CFAP263: variants seen among roughly 807,000 people sequenced by gnomAD.
The protein encoded by CFAP263 is cilia and flagella associated protein 263.
the CFAP263 span, among the ~76,000 whole-genome samples, chr16:58,265,209 A>C: frequency 6.6e-6 from 1 of 152,226 alleles, no homozygotes; most frequent in Non-Finnish European, 1.5e-5. Flanking sequence ...AGGACTGTGA[A>C]TATGATGGAT....
the CFAP263 span, among the ~76,000 whole-genome samples, chr16:58,259,439 T>C: frequency 6.6e-6 from 1 of 152,182 alleles, no homozygotes; most frequent in Non-Finnish European, 1.5e-5. Context: ...GTAACCTTCA[T>C]TTCCAGAGAT....
At chr16:58,265,321 G>A in the CFAP263 span, among the ~76,000 whole-genome samples, 3 of 152,218 alleles carry the variant, frequency 2.0e-5, no homozygotes, top group Non-Finnish European at 4.4e-5. Flanking sequence ...AATCACACGA[G>A]TCCTTTGAAA....
At chr16:58,261,294 C>T in the CFAP263 span, among the ~76,000 whole-genome samples, 85,795 of 151,900 alleles carry the variant, frequency 0.56, 24,639 homozygotes, top group African/African-American at 0.64. Context: ...TTGAGTTCAG[C>T]GCAAGAAAAA....
the CFAP263 span, chr16:58,259,813 G>T: frequency 7.7e-7 from 1 of 1,292,938 alleles, no homozygotes; most frequent in Non-Finnish European, 1.1e-6. Flanking sequence ...AAAAAGGAGA[G>T]AAATGGATTA....
the CFAP263 span, among the ~76,000 whole-genome samples, chr16:58,254,797 G>A: frequency 2.6e-5 from 4 of 151,848 alleles, no homozygotes; most frequent in Non-Finnish European, 4.4e-5. Flanking sequence ...TAGTAGACAC[G>A]AGGTTTTCAC....
chr16:58,264,477 G>T, the CFAP263 span, among the ~76,000 whole-genome samples: 2 of 152,174 alleles, frequency 1.3e-5, no homozygotes, highest in Admixed American at 6.5e-5. Flanking sequence ...AGCCATTCCT[G>T]GGGGAAATGG....
At chr16:58,278,462 A>C in the CFAP263 span, 1 of 1,612,556 alleles carries the variant, frequency 6.2e-7, no homozygotes, top group Non-Finnish European at 8.5e-7. Context: ...CCTGGGTGTA[A>C]CTGGTCCTTC....
the CFAP263 span, among the ~76,000 whole-genome samples, chr16:58,266,395 ATATATATATATTTTTTTTTTT>A: frequency 0.012 from 444 of 36,410 alleles, 1 homozygote; most frequent in South Asian, 0.019. Flanking sequence ...ATATATATAT[ATATATATATATTTTTTTTTTT>A]TTTTTTTTTT....
chr16:58,280,478 A>G, the CFAP263 span: 5 of 1,614,078 alleles, frequency 3.1e-6, no homozygotes, highest in Non-Finnish European at 4.2e-6. Flanking sequence ...CCCTGCAAGT[A>G]TGATCCAACA....
chr16:58,254,142 G>C, the CFAP263 span: 2 of 1,614,200 alleles, frequency 1.2e-6, no homozygotes, highest in Non-Finnish European at 1.7e-6. Context: ...TGCGGAACGC[G>C]ACCTGCAGCA....
At chr16:58,265,454 C>T in the CFAP263 span, among the ~76,000 whole-genome samples, 1 of 152,168 alleles carries the variant, frequency 6.6e-6, no homozygotes, top group Non-Finnish European at 1.5e-5. Context: ...TCAAGAGGGG[C>T]CTCTGGGAGC....
At chr16:58,268,640 C>T in the CFAP263 span, among the ~76,000 whole-genome samples, 1 of 152,236 alleles carries the variant, frequency 6.6e-6, no homozygotes, top group African/African-American at 2.4e-5. Context: ...ACATGCACAT[C>T]ATTTTCTCGA....
At chr16:58,252,113 A>G in the CFAP263 span, among the ~76,000 whole-genome samples, 1 of 152,214 alleles carries the variant, frequency 6.6e-6, no homozygotes, top group South Asian at 2.1e-4. Context: ...TATTGCCTAT[A>G]ATCTCAGCAC....
At chr16:58,265,741 C>T in the CFAP263 span, among the ~76,000 whole-genome samples, 9 of 152,166 alleles carry the variant, frequency 5.9e-5, no homozygotes, top group African/African-American at 1.2e-4. Context: ...TGTTATGTAG[C>T]GATAGGAAGT....
the CFAP263 span, among the ~76,000 whole-genome samples, chr16:58,260,338 G>C: frequency 6.6e-6 from 1 of 152,198 alleles, no homozygotes; most frequent in Non-Finnish European, 1.5e-5. Flanking sequence ...ATGCAGCCCT[G>C]CTGAGATCCT....
chr16:58,278,028 T>G, the CFAP263 span, among the ~76,000 whole-genome samples: 2 of 152,204 alleles, frequency 1.3e-5, no homozygotes, highest in Non-Finnish European at 1.5e-5. Flanking sequence ...AGAATGTGAA[T>G]GTACTTAATG....
the CFAP263 span, among the ~76,000 whole-genome samples, chr16:58,269,386 G>A: frequency 2.1e-3 from 110 of 52,678 alleles, no homozygotes; most frequent in East Asian, 4.9e-4. Context: ...AAGAAGAAAG[G>A]AAGGAAAGAG....
chr16:58,271,827 G>A, the CFAP263 span, among the ~76,000 whole-genome samples: 1 of 152,116 alleles, frequency 6.6e-6, no homozygotes, highest in African/African-American at 2.4e-5. Context: ...TTTCTTCACT[G>A]TGAAGTTACT....
At chr16:58,263,840 G>A in the CFAP263 span, among the ~76,000 whole-genome samples, 2 of 152,142 alleles carry the variant, frequency 1.3e-5, no homozygotes, top group Admixed American at 6.5e-5. Flanking sequence ...TTATCTGGGC[G>A]TGGTGGTGCA....
Sources: allele counts gnomAD v4.1 joint callset (sites outside exome capture counted in the v4.1 genomes callset), GRCh38; gene constraint gnomAD v4.1.1; transcripts MANE v1.5; gene names NCBI Gene and HGNC (gene_info 2026-07-23, HGNC 2026-07-21).